Variants in MSRA observed in about 807,000 individuals in gnomAD.
MSRA encodes the protein mitochondrial peptide methionine sulfoxide reductase.
In MSRA, 54 loss-of-function variants were observed where a neutral mutation model predicts 31.3. The ratio of observed to expected loss-of-function variants is 1.73; its 90% confidence interval spans 1.39 to 2.17. The LOEUF (loss-of-function observed/expected upper bound fraction) is 2.17, where lower values mean the gene tolerates loss of function less well. Among genes scored for constraint, MSRA ranks in the 30% most tolerant of loss-of-function variants. The pLI, the probability that MSRA is intolerant of heterozygous loss-of-function variation, is 0.00. For missense variants in MSRA, 507 were observed against 300.9 expected (o/e 1.69, Z -5.07); for synonymous variants, 169 against 116.5 (o/e 1.45, Z -2.90).
rs146992513 is a variant in MSRA at position 10,064,794 on chromosome 8, A to G, written c.142+10136A>G. On this transcript the variant is annotated intron_variant, in intron 1 of 5. Coordinates refer to ENST00000317173, the MANE Select transcript of MSRA (RefSeq NM_012331.5). Reference sequence around the variant, plus strand: ...TGTAAAATTAAAAAGCATGGTTCAGATGAGGCCACAAATTATTCTTTGGCC... The same window carrying G: ...TGTAAAATTAAAAAGCATGGTTCAGGTGAGGCCACAAATTATTCTTTGGCC... Among the ~76,000 whole-genome samples, 149 of 152,300 alleles carry G rather than the reference A, an allele frequency of 9.8e-4. No homozygotes were observed. The East Asian group carries it at 0.022, about 22-fold the overall frequency.
chr8:10,404,568 C>G (rs1563442812), intron 5 of MSRA, among the ~76,000 whole-genome samples: 1 of 152,272 alleles, frequency 6.6e-6, no homozygotes, highest in African/African-American at 2.4e-5. Flanking sequence ...GATCTGCCGT[C>G]AGCAGCTGCT....
At chr8:10,314,245 C>G (rs1312609249) in intron 4 of MSRA, among the ~76,000 whole-genome samples, 5 of 151,320 alleles carry the variant, frequency 3.3e-5, no homozygotes, top group Non-Finnish European at 7.4e-5. Context: ...AACAAATTGC[C>G]AAGAACAGAG....
intron 5 of MSRA, among the ~76,000 whole-genome samples, chr8:10,382,158 G>C (rs1806109835): frequency 6.6e-6 from 1 of 152,216 alleles, no homozygotes. Context: ...CAGGCCTTTG[G>C]CTGTGGTTGA....
rs192342759 is a variant in MSRA at position 10,065,382 on chromosome 8, T to C, written c.142+10724T>C. Among the ~76,000 whole-genome samples, 28 of 152,312 alleles carry C rather than the reference T, an allele frequency of 1.8e-4. No homozygotes were observed. In the East Asian group the frequency reaches 2.9e-3, roughly 16 times the overall value. ...AGCCCACTCTAGATAACTTAAAAAA[T>C]GTTTTTTTTCTTCAGGCTTATGCTC... On this transcript the variant is annotated intron_variant, in intron 1 of 5. Coordinates refer to ENST00000317173, the MANE Select transcript of MSRA (RefSeq NM_012331.5).
chr8:10,107,927 C>T (rs1162788077), intron 1 of MSRA, among the ~76,000 whole-genome samples: 1 of 152,174 alleles, frequency 6.6e-6, no homozygotes, highest in Non-Finnish European at 1.5e-5. Context: ...TTTGCCTTTA[C>T]AGTGTTTAAT....
At chr8:10,255,552 C>G (rs1798132349) in intron 3 of MSRA, among the ~76,000 whole-genome samples, 1 of 152,164 alleles carries the variant, frequency 6.6e-6, no homozygotes, top group Non-Finnish European at 1.5e-5. Flanking sequence ...GTCAGCAGAC[C>G]TGCTTGGCTC....
At chr8:10,350,815 C>A (rs1255037607) in intron 5 of MSRA, among the ~76,000 whole-genome samples, 2 of 152,242 alleles carry the variant, frequency 1.3e-5, no homozygotes, top group African/African-American at 4.8e-5. Flanking sequence ...AGCATTGCGC[C>A]TTCCCTCTTC....
intron 1 of MSRA, among the ~76,000 whole-genome samples, chr8:10,107,260 A>G (rs1020348339): frequency 3.3e-5 from 5 of 151,888 alleles, no homozygotes; most frequent in Admixed American, 3.3e-4. Context: ...TGAGAGTTTC[A>G]TGAGTGTTTT....
chr8:10,183,120 T>C (rs1057496760), intron 1 of MSRA, among the ~76,000 whole-genome samples: 3 of 152,196 alleles, frequency 2.0e-5, no homozygotes, highest in African/African-American at 7.2e-5. Context: ...GCTTAGTTTA[T>C]CTTAAATCTT....
At chr8:10,392,923 G>T (rs1315145971) in intron 5 of MSRA, among the ~76,000 whole-genome samples, 1 of 148,502 alleles carries the variant, frequency 6.7e-6, no homozygotes. Flanking sequence ...TTAGCCGGCA[G>T]TAATGGCGGG....
intron 5 of MSRA, among the ~76,000 whole-genome samples, chr8:10,382,313 C>T (rs945641792): frequency 2.0e-5 from 3 of 152,178 alleles, no homozygotes; most frequent in South Asian, 2.1e-4. Flanking sequence ...TCCTGCACTG[C>T]GGCTCTCTTG....
intron 3 of MSRA, among the ~76,000 whole-genome samples, chr8:10,277,873 T>A (rs1254864783): frequency 1.3e-5 from 2 of 152,162 alleles, no homozygotes; most frequent in Admixed American, 1.3e-4. Flanking sequence ...ATCATAAATA[T>A]ATACAATTTT....
intron 1 of MSRA, among the ~76,000 whole-genome samples, chr8:10,131,971 A>G (rs556716602): frequency 1.3e-5 from 2 of 152,362 alleles, no homozygotes; most frequent in East Asian, 3.9e-4. Context: ...TGATGTTTAT[A>G]AGCCTTTTAT....
intron 1 of MSRA, among the ~76,000 whole-genome samples, chr8:10,138,359 G>A (rs532519215): frequency 6.6e-6 from 1 of 152,352 alleles, no homozygotes; most frequent in East Asian, 1.9e-4. Flanking sequence ...GGATGTCACA[G>A]TGAAGGGAGA....
intron 2 of MSRA, among the ~76,000 whole-genome samples, chr8:10,212,478 A>G (rs1435170498): frequency 6.6e-6 from 1 of 152,232 alleles, no homozygotes; most frequent in Admixed American, 6.5e-5. Context: ...GCAATGACAT[A>G]GATTGGATTG....
At chr8:10,215,817 A>T (rs1809938756) in intron 2 of MSRA, among the ~76,000 whole-genome samples, 1 of 152,230 alleles carries the variant, frequency 6.6e-6, no homozygotes. Flanking sequence ...GCAGTAGTGT[A>T]CAGCAACCAC....
chr8:10,222,653 T>G (rs1810625393), intron 2 of MSRA, among the ~76,000 whole-genome samples: 1 of 152,190 alleles, frequency 6.6e-6, no homozygotes, highest in Non-Finnish European at 1.5e-5. Context: ...TACGATTCAG[T>G]CTTAAGAAAG....
chr8:10,337,401 G>T (rs1407226223), intron 5 of MSRA: 8 of 281,728 alleles, frequency 2.8e-5, no homozygotes, highest in African/African-American at 6.7e-5. Context: ...GGATGATCTG[G>T]ATCTCCTGAC....
In MSRA at chr8:10,241,281, GGA is replaced by G. The variant is rs753037653; in HGVS notation, c.212-3822_212-3821del. Among the ~76,000 whole-genome samples the G allele has an allele frequency of 1.5e-4, 23 of 152,022 alleles. No homozygotes were observed. In the East Asian group the frequency reaches 4.1e-3, roughly 27 times the overall value. On this transcript the variant is annotated intron_variant, in intron 2 of 5. Transcript: ENST00000317173. ...GTAGGAAATGTGCAAGGTGAGTCTG[GGA>G]CATCCTGTCAAACCAGAGAGCAAAG...
Sources: allele counts gnomAD v4.1 joint callset (sites outside exome capture counted in the v4.1 genomes callset), GRCh38; gene constraint gnomAD v4.1.1; transcripts MANE v1.5; gene names NCBI Gene and HGNC (gene_info 2026-07-23, HGNC 2026-07-21).